Variants in URB1 observed in about 807,000 individuals in gnomAD.
URB1 encodes nucleolar pre-ribosomal-associated protein 1.
In URB1, 197 loss-of-function variants were observed where a neutral mutation model predicts 242.3. That is an observed-to-expected ratio of 0.81 (90% CI 0.72 to 0.91). URB1 has a LOEUF of 0.91. Among genes scored for constraint, URB1 ranks in the 40% least tolerant of loss-of-function variants. The pLI is 0.00. For synonymous variants in URB1, 1,153 were observed against 1,201.8 expected (o/e 0.96, Z 0.84); for missense variants, 2,721 against 2,860.5 (o/e 0.95, Z 1.11).
In URB1 at chr21:32,316,986, C is replaced by T. The variant is rs1397998223; in HGVS notation, c.6114G>A (p.Glu2038=). The T allele has an allele frequency of 6.4e-7, 1 of 1,551,548 alleles. No individual in the cohort carries two copies. Among genetic ancestry groups the T allele is most frequent in the African/African-American group, 1.4e-5 (1 of 73,056 alleles). The change falls in exon 38 of 39, where the codon GAG becomes GAA. Residue 2038 remains glutamate, a synonymous_variant. Coordinates refer to ENST00000382751, the MANE Select transcript of URB1 (RefSeq NM_014825.3). The part of the protein sequence containing the change: ...GPRGRKRRPG[E]AEEMADPELM... Reference sequence around the variant, plus strand: ...GCTCAGGGTCAGCCATCTCCTCTGCCTCCCCAGGCCTCCTCTTTCGGCCCC... The same window carrying T: ...GCTCAGGGTCAGCCATCTCCTCTGCTTCCCCAGGCCTCCTCTTTCGGCCCC...
In URB1 at chr21:32,378,374, T is replaced by C. The variant is rs564414936; in HGVS notation, c.664+71A>G. The C allele has an allele frequency of 1.8e-5, 25 of 1,405,048 alleles. No individual in the cohort carries two copies. The African/African-American group carries it at 3.4e-4, about 19-fold the overall frequency. The allele number at this position is 1,405,048 out of a possible 1,614,324, so 87.0% of individuals were successfully genotyped here. ...AAAGGCTGCAGACTTTTTTTGAACT[T>C]GGAAGAAACGGTTTGCAGTAGGTTT... On this transcript the variant is annotated intron_variant, in intron 5 of 38. Transcript: ENST00000382751.
chr21:32,346,443 T>C (rs1415592910), intron 22 of URB1, among the ~76,000 whole-genome samples: 1 of 152,168 alleles, frequency 6.6e-6, no homozygotes, highest in Non-Finnish European at 1.5e-5. Flanking sequence ...AAGTGGTGAG[T>C]AAAAATCACC....
In URB1 at chr21:32,315,115, G is replaced by C. The variant is rs2032661796; in HGVS notation, c.6635-16C>G. Reference sequence around the variant, plus strand: ...GCTGCGGAGGCTGAACAAGAGCAGGGGATAGGCCATTAGGATGCACACCTG... The same window carrying C: ...GCTGCGGAGGCTGAACAAGAGCAGGCGATAGGCCATTAGGATGCACACCTG... On this transcript the variant is annotated splice_polypyrimidine_tract_variant and intron_variant, in intron 38 of 38. Transcript: ENST00000382751. 1 of 1,501,046 alleles carries C rather than the reference G, an allele frequency of 6.7e-7. No homozygotes were observed. Among genetic ancestry groups the C allele is most frequent in the Non-Finnish European group, 9.0e-7 (1 of 1,115,880 alleles). The allele number at this position is 1,501,046 out of a possible 1,614,324, so 93.0% of individuals were successfully genotyped here. A position where few individuals can be genotyped will look rare whatever the true frequency, so the allele number is the denominator to read the frequency against.
At chr21:32,341,653 T>A in intron 24 of URB1, 129 bp from the exon 25 acceptor site, 1 of 788,938 alleles carries the variant, frequency 1.3e-6, no homozygotes, top group Non-Finnish European at 2.0e-6. Context: ...GTAAAACCCA[T>A]GATCAAAGGG....
At chr21:32,342,657 A>G (rs1312358638) in intron 24 of URB1, among the ~76,000 whole-genome samples, 3 of 147,270 alleles carry the variant, frequency 2.0e-5, no homozygotes, top group Non-Finnish European at 4.5e-5. Context: ...AGGAAGCACT[A>G]GTGCCAACTT....
Position 32,384,412 on chromosome 21 carries a change from T to C in URB1, c.335A>G (p.Asp112Gly). ...TCCCACAACATGGAAATGTGAAAGA[T>C]CACTTGCTGTCCGCAATAATATGGC... ...FEAILLRTAS[D>G]LSHFHVVGTN... The change falls in exon 3 of 39, where the codon GAT becomes GGT. Residue 112 changes from aspartate (D) to glycine (G), a missense_variant. By Grantham distance (94) the Asp-to-Gly change is moderately conservative (BLOSUM62 -1). Coordinates refer to ENST00000382751, the MANE Select transcript of URB1 (RefSeq NM_014825.3). 1 of 1,552,088 alleles carries C rather than the reference T, an allele frequency of 6.4e-7. No individual in the cohort carries two copies. The highest frequency in any genetic ancestry group is 8.7e-7 in the Non-Finnish European group (1 of 1,147,034).
At chr21:32,361,723 T>C (rs947933484) in intron 12 of URB1, among the ~76,000 whole-genome samples, 169 bp downstream of exon 12, 22 of 152,180 alleles carry the variant, frequency 1.4e-4, no homozygotes, top group African/African-American at 5.3e-4. Flanking sequence ...TATGATTCCT[T>C]TCCAATTCTT....
chr21:32,325,205 A>C, intron 31 of URB1, 24 bp downstream of exon 31: 1 of 1,534,380 alleles, frequency 6.5e-7, no homozygotes, highest in Non-Finnish European at 8.8e-7. Flanking sequence ...CCCCCACAGT[A>C]GGATGTACGC....
At chr21:32,389,699 G>A (rs1327620352) in intron 1 of URB1, among the ~76,000 whole-genome samples, 2 of 152,214 alleles carry the variant, frequency 1.3e-5, no homozygotes, top group Admixed American at 6.5e-5. Context: ...GAAGCAATGT[G>A]GGGAGAAGGA....
intron 14 of URB1, among the ~76,000 whole-genome samples, chr21:32,359,374 T>C (rs988169959): frequency 3.3e-5 from 5 of 152,208 alleles, no homozygotes; most frequent in African/African-American, 1.2e-4. Flanking sequence ...ATGCTGGCAA[T>C]GTCTACTGAT....
chr21:32,388,454 T>C (rs557089064), intron 1 of URB1, among the ~76,000 whole-genome samples: 24 of 152,350 alleles, frequency 1.6e-4, no homozygotes, highest in African/African-American at 5.1e-4. Context: ...CCTTTTATGC[T>C]GCAACATTTT....
Position 32,347,057 on chromosome 21 carries a change from C to A in URB1, c.3767G>T (p.Gly1256Val). The A allele has an allele frequency of 6.5e-7, 1 of 1,550,276 alleles. No individual in the cohort carries two copies. The highest frequency in any genetic ancestry group is 8.7e-7 in the Non-Finnish European group (1 of 1,146,332). ...LWFEQWCLQA[G>V]PGLGLQGDLD... ...GTCCCCCTGGAGGCCGAGCCCTGGG[C>A]CAGCCTGCAGGCACCACTGCTCGAA... Residue 1256 changes from glycine to valine, a missense_variant, in exon 22 of 39, where the codon GGC (glycine) becomes GTC (valine). Gly to Val is a moderately radical substitution (Grantham distance 109, BLOSUM62 -3). Transcript: ENST00000382751.
At chr21:32,379,253 T>C (rs1440195223) in intron 4 of URB1, among the ~76,000 whole-genome samples, 1 of 152,236 alleles carries the variant, frequency 6.6e-6, no homozygotes, top group Non-Finnish European at 1.5e-5. Flanking sequence ...GTCACATCAC[T>C]CCTCGTTTTG....
intron 4 of URB1, among the ~76,000 whole-genome samples, chr21:32,381,721 G>C (rs1329695862): frequency 2.0e-5 from 3 of 152,170 alleles, no homozygotes; most frequent in African/African-American, 7.2e-5. Context: ...TTCTTTAAAA[G>C]GTCTTTTTCT....
In URB1 at chr21:32,370,640, T is replaced by C. The variant is rs187843436; in HGVS notation, c.1001+1867A>G. Among the ~76,000 whole-genome samples the C allele has an allele frequency of 2.2e-3, 330 of 152,346 alleles. 1 individual carries two copies. The highest frequency in any genetic ancestry group is 3.2e-3 in the Non-Finnish European group (221 of 68,044). On this transcript the variant is annotated intron_variant, in intron 8 of 38. Coordinates refer to ENST00000382751, the MANE Select transcript of URB1 (RefSeq NM_014825.3). ...GAGGATGCCTAACCCAGTGAAGGTCTCAGAGCTAAGTTGGGATTGAAGCCC... is the reference window on the plus strand; with the variant it reads ...GAGGATGCCTAACCCAGTGAAGGTCCCAGAGCTAAGTTGGGATTGAAGCCC...
chr21:32,376,560 A>T (rs911069739), intron 5 of URB1, among the ~76,000 whole-genome samples: 6 of 94,788 alleles, frequency 6.3e-5, no homozygotes, highest in African/African-American at 1.5e-4. Flanking sequence ...ATTTGAGTAA[A>T]ATGAGATCAT....
intron 32 of URB1, among the ~76,000 whole-genome samples, chr21:32,323,379 ACCCTGTGGT>A (rs1047790926): frequency 2.0e-5 from 3 of 152,184 alleles, no homozygotes; most frequent in African/African-American, 7.2e-5. Context: ...TGGAAACAGC[ACCCTGTGGT>A]CCCTGATGGT....
chr21:32,333,289 C>T lies in URB1; in HGVS notation c.4960+28G>A, dbSNP rs879001063. The T allele has an allele frequency of 7.1e-6, 11 of 1,541,480 alleles. No individual in the cohort carries two copies. In the South Asian group the frequency reaches 1.2e-4, roughly 17 times the overall value. ...CCTCTGAGAAGTCATGCATAGCAAG[C>T]CCTGACCCAAGAGAAGACTGCAGTT... On this transcript the variant is annotated intron_variant, in intron 30 of 38. Coordinates refer to ENST00000382751, the MANE Select transcript of URB1 (RefSeq NM_014825.3).
chr21:32,334,669 G>C (rs779771320), intron 28 of URB1, among the ~76,000 whole-genome samples: 1 of 152,154 alleles, frequency 6.6e-6, no homozygotes, highest in Non-Finnish European at 1.5e-5. Flanking sequence ...TGTGCAAATG[G>C]GGGAAAGAGG....
Sources: gnomAD v4.1 joint callset for allele counts (sites outside exome capture counted in the v4.1 genomes callset) on GRCh38, gnomAD v4.1.1 for gene constraint, MANE v1.5 for transcripts, NCBI Gene and HGNC (gene_info 2026-07-23, HGNC 2026-07-21) for gene names.